The following RALA variants were observed in gnomAD, a reference collection of about 807,000 sequenced individuals.
RALA encodes RAS like proto-oncogene A.
In RALA, 5 loss-of-function variants were observed where a neutral mutation model predicts 24.0. The observed-to-expected ratio is 0.21, with a 90% confidence interval of 0.11 to 0.44. The LOEUF is 0.44. Among genes scored for constraint, RALA ranks in the 20% least tolerant of loss-of-function variants. RALA has a pLI of 0.99. For synonymous variants in RALA, 77 were observed against 83.8 expected (o/e 0.92, Z 0.44); for missense variants, 95 against 241.2 (o/e 0.39, Z 4.01).
chr7:39,673,036 A>C (rs1379657339), intron 1 of RALA, among the ~76,000 whole-genome samples: 3 of 152,150 alleles, frequency 2.0e-5, no homozygotes, highest in Non-Finnish European at 1.5e-5. Flanking sequence ...AAAAATACAA[A>C]AATTAGCTGA....
At chr7:39,624,867 T>C (rs561414558) in intron 1 of RALA, among the ~76,000 whole-genome samples, 1 of 152,366 alleles carries the variant, frequency 6.6e-6, no homozygotes, top group South Asian at 2.1e-4. Flanking sequence ...ACAGATTTCA[T>C]TGGTAAACTC....
intron 1 of RALA, among the ~76,000 whole-genome samples, chr7:39,640,044 G>A (rs1465067641): frequency 6.8e-6 from 1 of 147,328 alleles, no homozygotes; most frequent in Non-Finnish European, 1.5e-5. Flanking sequence ...AATGGTATCT[G>A]GTTTTTGTTT....
chr7:39,649,920 C>T lies in RALA; in HGVS notation c.-38+26095C>T, dbSNP rs541627333. 7.2e-5 allele frequency among the ~76,000 whole-genome samples: 11 copies of T among 152,134 alleles called. No individual in the cohort carries two copies. In the South Asian group the frequency reaches 1.7e-3, roughly 23 times the overall value. On this transcript the variant is annotated intron_variant, in intron 1 of 4. Transcript: ENST00000005257. ...GCTGCTACTGATAAGTGAGGTATAA[C>T]GAAGATTGAAAATTGACTGTTGGAT... is the stretch of plus-strand genomic sequence containing the variant.
chr7:39,639,662 A>G (rs1351636461), intron 1 of RALA, among the ~76,000 whole-genome samples: 4 of 152,212 alleles, frequency 2.6e-5, no homozygotes, highest in African/African-American at 9.7e-5. Context: ...TCCTATGATC[A>G]TAGACTTTAC....
At chr7:39,639,854 A>C (rs1171230550) in intron 1 of RALA, among the ~76,000 whole-genome samples, 1 of 152,102 alleles carries the variant, frequency 6.6e-6, no homozygotes, top group Non-Finnish European at 1.5e-5. Flanking sequence ...ACTCACTCAG[A>C]CATGGACAAT....
intron 1 of RALA, among the ~76,000 whole-genome samples, chr7:39,655,860 G>C (rs17507685): frequency 6.6e-6 from 1 of 152,008 alleles, no homozygotes; most frequent in African/African-American, 2.4e-5. Flanking sequence ...CAGGATCAAG[G>C]CATATAAGGA....
At chr7:39,697,365 G>C (rs1476047370) in intron 4 of RALA, 1 of 456,668 alleles carries the variant, frequency 2.2e-6, no homozygotes, top group Non-Finnish European at 4.4e-6. Flanking sequence ...AGAAAGGAAA[G>C]TAAACACTCT....
intron 1 of RALA, among the ~76,000 whole-genome samples, chr7:39,665,638 C>G (rs10231409): frequency 1.3e-5 from 2 of 150,186 alleles, no homozygotes; most frequent in African/African-American, 4.9e-5. Flanking sequence ...ATAAATGAGA[C>G]TGCAATGTAG....
chr7:39,679,863 A>G (rs1387049999), intron 1 of RALA, among the ~76,000 whole-genome samples: 2 of 151,852 alleles, frequency 1.3e-5, no homozygotes, highest in African/African-American at 4.8e-5. Context: ...GCCGTGCGCC[A>G]CCATGCCTGG....
intron 4 of RALA, among the ~76,000 whole-genome samples, chr7:39,703,734 G>A (rs961701418): frequency 6.6e-6 from 1 of 152,180 alleles, no homozygotes; most frequent in Non-Finnish European, 1.5e-5. Context: ...CATTACAAAT[G>A]TTTACATCTT....
At chr7:39,687,447 T>G (rs1253905223) in intron 2 of RALA, among the ~76,000 whole-genome samples, 3 of 152,134 alleles carry the variant, frequency 2.0e-5, no homozygotes, top group Non-Finnish European at 2.9e-5. Flanking sequence ...AAAAATTCTT[T>G]TAATAAACTT....
chr7:39,653,528 A>C (rs1394998166), intron 1 of RALA, among the ~76,000 whole-genome samples: 1 of 150,732 alleles, frequency 6.6e-6, no homozygotes. Flanking sequence ...AGACCTTGCT[A>C]TGTTGCCCAG....
At chr7:39,675,940 TATA>T (rs1389702836) in intron 1 of RALA, among the ~76,000 whole-genome samples, 1 of 152,068 alleles carries the variant, frequency 6.6e-6, no homozygotes, top group Non-Finnish European at 1.5e-5. Flanking sequence ...ACTTGAAATT[TATA>T]ATGATTTGAT....
chr7:39,633,901 G>A (rs1309527353), intron 1 of RALA, among the ~76,000 whole-genome samples: 1 of 152,184 alleles, frequency 6.6e-6, no homozygotes, highest in Non-Finnish European at 1.5e-5. Flanking sequence ...GTTCTGGAGA[G>A]TGTTTTTATT....
At chr7:39,702,116 T>C (rs548461401) in intron 4 of RALA, among the ~76,000 whole-genome samples, 3 of 152,304 alleles carry the variant, frequency 2.0e-5, no homozygotes, top group Non-Finnish European at 4.4e-5. Flanking sequence ...TTGGAAAATA[T>C]CATATTTGGG....
intron 1 of RALA, among the ~76,000 whole-genome samples, chr7:39,678,068 A>G (rs1792520451): frequency 6.8e-6 from 1 of 148,116 alleles, no homozygotes; most frequent in African/African-American, 2.5e-5. Flanking sequence ...GGGGAGGGAT[A>G]GCATTGGGAG....
At chr7:39,645,485 G>A (rs1791909631) in intron 1 of RALA, among the ~76,000 whole-genome samples, 1 of 152,076 alleles carries the variant, frequency 6.6e-6, no homozygotes, top group Non-Finnish European at 1.5e-5. Flanking sequence ...TAGTAATTGA[G>A]GGTTTTTTCT....
chr7:39,676,018 C>A (rs1792481450), intron 1 of RALA, among the ~76,000 whole-genome samples: 1 of 152,082 alleles, frequency 6.6e-6, no homozygotes. Flanking sequence ...CTCTGTCACC[C>A]AAGTTGGAAT....
Position 39,662,201 on chromosome 7 carries a change from G to A in RALA, c.-37-24430G>A, listed in dbSNP as rs1583725901. ...CCTATGCCTCAGGCCTGTGATGGGA[G>A]AGGCTGCCACAAAGGTCTCTGACAT... On this transcript the variant is annotated intron_variant, in intron 1 of 4. Transcript: ENST00000005257. 2.0e-5 allele frequency among the ~76,000 whole-genome samples: 3 copies of A among 151,784 alleles called. No homozygotes were observed. In the East Asian group the frequency reaches 5.8e-4, roughly 29 times the overall value.
Sources: gnomAD v4.1 joint callset for allele counts (sites outside exome capture counted in the v4.1 genomes callset) on GRCh38, gnomAD v4.1.1 for gene constraint, MANE v1.5 for transcripts, NCBI Gene and HGNC (gene_info 2026-07-23, HGNC 2026-07-21) for gene names.